The following AKAP6 variants were observed in gnomAD, a reference collection of about 807,000 sequenced individuals.
The protein encoded by AKAP6 is A-kinase anchoring protein 6.
AKAP6 carries 58 observed loss-of-function variants against 188.5 expected under a neutral mutation model. That is an observed-to-expected ratio of 0.31 (90% CI 0.25 to 0.38). The LOEUF (loss-of-function observed/expected upper bound fraction) is 0.38, where lower values mean the gene tolerates loss of function less well. AKAP6 is among the 10% of genes least tolerant of loss of function. The probability of loss-of-function intolerance (pLI) is 1.00; values close to 1 mark genes in which losing one functional copy is unlikely to be tolerated. For synonymous variants in AKAP6, 989 were observed against 998.6 expected (o/e 0.99, Z 0.18); for missense variants, 2,710 against 2,740.0 (o/e 0.99, Z 0.24).
At chr14:32,473,964 C>G in intron 2 of AKAP6, 1 of 152,772 alleles carries the variant, frequency 6.5e-6, no homozygotes, top group Non-Finnish European at 1.5e-5. Flanking sequence ...GTGGCACGAT[C>G]TCAGCTCACT....
chr14:32,483,938 C>T (rs1879515850), intron 2 of AKAP6, among the ~76,000 whole-genome samples: 1 of 151,594 alleles, frequency 6.6e-6, no homozygotes, highest in African/African-American at 2.4e-5. Context: ...GCCCCCCATC[C>T]CCTGACAGAC....
At chr14:32,445,760 GT>G (rs146636049) in intron 2 of AKAP6, among the ~76,000 whole-genome samples, 12 of 150,946 alleles carry the variant, frequency 7.9e-5, no homozygotes, top group East Asian at 7.8e-4. Flanking sequence ...TACTCCAGCT[GT>G]TTTTTTTTCT....
chr14:32,516,571 A>G (rs1413934220), intron 2 of AKAP6, among the ~76,000 whole-genome samples: 1 of 152,160 alleles, frequency 6.6e-6, no homozygotes, highest in African/African-American at 2.4e-5. Flanking sequence ...TAGTATTGCT[A>G]TTCTGAAACT....
At chr14:32,507,704 C>T (rs1426941215) in intron 2 of AKAP6, among the ~76,000 whole-genome samples, 2 of 152,136 alleles carry the variant, frequency 1.3e-5, no homozygotes, top group African/African-American at 4.8e-5. Context: ...ACAAAGAATT[C>T]AGTGTGGCCT....
chr14:32,415,586 T>G (rs1165278324), intron 1 of AKAP6, among the ~76,000 whole-genome samples: 1 of 152,200 alleles, frequency 6.6e-6, no homozygotes, highest in African/African-American at 2.4e-5. Flanking sequence ...TCAAAGGTAT[T>G]AACTACATTC....
chr14:32,739,287 T>C (rs2031571136), intron 11 of AKAP6, among the ~76,000 whole-genome samples: 2 of 152,078 alleles, frequency 1.3e-5, no homozygotes, highest in Non-Finnish European at 2.9e-5. Context: ...ACATGAGTTT[T>C]TTTGTTACAG....
chr14:32,552,538 A>G lies in AKAP6; in HGVS notation c.2346+5539A>G, dbSNP rs970577551. 2.4e-4 allele frequency among the ~76,000 whole-genome samples: 37 copies of G among 152,290 alleles called. No homozygotes were observed. The East Asian group carries it at 2.9e-3, about 12-fold the overall frequency. ...TCAAGAATAATAAAGACTAAGGGGA[A>G]AAAACCCAACAACCTTTAGATTTGT... On this transcript the variant is annotated intron_variant, in intron 4 of 13. Transcript: ENST00000280979.
At chr14:32,364,724 A>G (rs989818027) in intron 1 of AKAP6, among the ~76,000 whole-genome samples, 3 of 152,132 alleles carry the variant, frequency 2.0e-5, no homozygotes, top group African/African-American at 7.2e-5. Flanking sequence ...AAATCTTGAG[A>G]AGGATTTTTT....
chr14:32,420,909 T>TTTTTTG (rs1555327187), intron 1 of AKAP6, among the ~76,000 whole-genome samples: 3 of 146,410 alleles, frequency 2.0e-5, no homozygotes, highest in African/African-American at 5.0e-5. Flanking sequence ...GGAGATTGAT[T>TTTTTTG]TGTGTGTGTG....
rs577040151 is a variant in AKAP6, at chr14:32,483,706, A to G, written c.324+49889A>G. Among the ~76,000 whole-genome samples the G allele has an allele frequency of 4.6e-5, 7 of 151,180 alleles. No homozygotes were observed. In the South Asian group the frequency reaches 1.5e-3, roughly 32 times the overall value. ...TCCATGTTGGTCAGGCTGGTCTTGAACTCCCAACCTCAGGTGATCTGCATG... is the reference window on the plus strand; with the variant it reads ...TCCATGTTGGTCAGGCTGGTCTTGAGCTCCCAACCTCAGGTGATCTGCATG... On this transcript the variant is annotated intron_variant, in intron 2 of 13. Coordinates refer to ENST00000280979, the MANE Select transcript of AKAP6 (RefSeq NM_004274.5).
At chr14:32,420,485 G>A (rs1226096928) in intron 1 of AKAP6, among the ~76,000 whole-genome samples, 1 of 151,864 alleles carries the variant, frequency 6.6e-6, no homozygotes, top group Non-Finnish European at 1.5e-5. Flanking sequence ...AAGTGCAGTT[G>A]GTAGCTATAT....
At chr14:32,461,488 G>T (rs978719729) in intron 2 of AKAP6, among the ~76,000 whole-genome samples, 3 of 152,154 alleles carry the variant, frequency 2.0e-5, no homozygotes. Flanking sequence ...GAGGAGCCTG[G>T]CTGTTAGAAG....
chr14:32,464,935 C>T (rs868504230), intron 2 of AKAP6, among the ~76,000 whole-genome samples: 18 of 152,110 alleles, frequency 1.2e-4, no homozygotes, highest in African/African-American at 3.9e-4. Flanking sequence ...CACAAGCATT[C>T]CTATACATCA....
At chr14:32,735,533 G>A (rs1308526632) in intron 10 of AKAP6, 125 bp from the exon 11 acceptor site, 10 of 688,438 alleles carry the variant, frequency 1.5e-5, no homozygotes, top group African/African-American at 3.6e-5. Flanking sequence ...GGTGGCTCTC[G>A]TTACCAACAA....
At chr14:32,746,943 G>A (rs1011239154) in intron 11 of AKAP6, among the ~76,000 whole-genome samples, 1 of 152,122 alleles carries the variant, frequency 6.6e-6, no homozygotes, top group Non-Finnish European at 1.5e-5. Flanking sequence ...CCTTTAAAAG[G>A]ATTTCAAATT....
chr14:32,695,916 A>G, intron 8 of AKAP6, 74 bp from the exon 9 acceptor site: 1 of 1,456,952 alleles, frequency 6.9e-7, no homozygotes, highest in Non-Finnish European at 9.2e-7. Flanking sequence ...GTTTTCAAGA[A>G]TATATTATTC....
At chr14:32,558,224 G>C (rs893673093) in intron 4 of AKAP6, among the ~76,000 whole-genome samples, 2 of 152,152 alleles carry the variant, frequency 1.3e-5, no homozygotes. Context: ...TAAACAAAAA[G>C]TATAGAAGTT....
chr14:32,640,983 T>C (rs1163463097), intron 7 of AKAP6, among the ~76,000 whole-genome samples: 1 of 152,206 alleles, frequency 6.6e-6, no homozygotes, highest in Non-Finnish European at 1.5e-5. Context: ...TTTCATAAAC[T>C]ACTGCAATTG....
At chr14:32,443,053 T>C (rs1890633190) in intron 2 of AKAP6, among the ~76,000 whole-genome samples, 1 of 152,030 alleles carries the variant, frequency 6.6e-6, no homozygotes, top group African/African-American at 2.4e-5. Flanking sequence ...TTAGAGACCA[T>C]GGTTCTCACC....
Sources: gnomAD v4.1 joint callset for allele counts (sites outside exome capture counted in the v4.1 genomes callset) on GRCh38, gnomAD v4.1.1 for gene constraint, MANE v1.5 for transcripts, NCBI Gene and HGNC (gene_info 2026-07-23, HGNC 2026-07-21) for gene names.